RBM6: variants seen among roughly 807,000 people sequenced by gnomAD.
The protein encoded by RBM6 is RNA binding motif protein 6.
RBM6 carries 23 observed loss-of-function variants against 140.4 expected under a neutral mutation model. The ratio of observed to expected loss-of-function variants is 0.16; its 90% CI spans 0.12 to 0.23. RBM6 has a LOEUF of 0.23. Ranked by LOEUF, RBM6 falls within the 10% of genes least tolerant of loss-of-function variation. The pLI, the probability that RBM6 is intolerant of heterozygous loss-of-function variation, is 1.00. For synonymous variants in RBM6, 439 were observed against 475.6 expected (o/e 0.92, Z 1.00); for missense variants, 1,139 against 1,386.7 (o/e 0.82, Z 2.84).
intron 6 of RBM6, among the ~76,000 whole-genome samples, chr3:50,011,233 G>A (rs182517663): frequency 1.3e-5 from 2 of 151,448 alleles, no homozygotes; most frequent in East Asian, 3.9e-4. Context: ...AAAAAAAAAA[G>A]GCATGAAGAA....
At chr3:50,029,540 C>G (rs913400801) in intron 6 of RBM6, among the ~76,000 whole-genome samples, 7 of 152,120 alleles carry the variant, frequency 4.6e-5, no homozygotes, top group Non-Finnish European at 8.8e-5. Context: ...CGAGACCAGC[C>G]TAGCCAATAT....
At chr3:49,961,181 G>A (rs368668582) in intron 1 of RBM6, among the ~76,000 whole-genome samples, 4 of 152,000 alleles carry the variant, frequency 2.6e-5, no homozygotes, top group Admixed American at 1.3e-4. Context: ...GGTTTCAAGC[G>A]TTTCTCCTGC....
chr3:50,046,265 A>G (rs1181033442), intron 6 of RBM6, among the ~76,000 whole-genome samples: 1 of 133,368 alleles, frequency 7.5e-6, no homozygotes, highest in Admixed American at 7.9e-5. Context: ...TGAGTGACAG[A>G]GCAAGACTCT....
rs775522671 is a variant in RBM6, at chr3:49,968,081, A to G, written c.656A>G (p.Asp219Gly). ...TCCCGTTCTGATTTTAGGAATAGAGATGTATCTGATTTGGACTTTAGAGAC... is the reference window on the plus strand; with the variant it reads ...TCCCGTTCTGATTTTAGGAATAGAGGTGTATCTGATTTGGACTTTAGAGAC... ...EQSRSDFRNR[D>G]VSDLDFRDKD... Residue 219 changes from aspartate (D) to glycine (G), a missense_variant, in exon 3 of 21, where the codon GAT becomes GGT. Around this residue, in one of 9 missense-constraint regions of RBM6, gnomAD observed 566 missense variants for 612.7 expected, o/e 0.92. Coordinates refer to ENST00000266022, the MANE Select transcript of RBM6 (RefSeq NM_005777.3). 6.2e-7 allele frequency: 1 copy of G among 1,614,000 alleles called. No homozygotes were observed. Among genetic ancestry groups the G allele is most frequent in the South Asian group, 1.1e-5 (1 of 91,086 alleles).
At position 50,077,016 on chromosome 3, in the gene RBM6, C is replaced by T; in HGVS notation, c.3255C>T (p.Gly1085=). ...PGLASSEEAE[G]RMRGPSVGAS... ...TTGTCTTTGTTTTACAGGCTGAAGG[C>T]CGGATGAGGGGCCCCAGTGTTGGAG... Residue 1085 remains glycine, a synonymous_variant, in exon 21 of 21, where the codon GGC becomes GGT. Coordinates refer to ENST00000266022, the MANE Select transcript of RBM6 (RefSeq NM_005777.3). The T allele has an allele frequency of 6.2e-7, 1 of 1,610,380 alleles. No individual in the cohort carries two copies. The highest frequency in any genetic ancestry group is 8.5e-7 in the Non-Finnish European group (1 of 1,179,028).
intron 6 of RBM6, among the ~76,000 whole-genome samples, chr3:50,024,762 G>A (rs1418137563): frequency 6.6e-6 from 1 of 152,110 alleles, no homozygotes; most frequent in Non-Finnish European, 1.5e-5. Context: ...GACCATCCTG[G>A]CTAACACGGT....
chr3:49,967,144 G>A lies in RBM6; in HGVS notation c.45-326G>A. The A allele has an allele frequency of 1.1e-6, 1 of 916,184 alleles. No homozygotes were observed. The highest frequency in any genetic ancestry group is 1.3e-6 in the Non-Finnish European group (1 of 745,202). 56.8% of individuals were successfully genotyped at this position (916,184 alleles called of 1,614,324 possible). A position where few individuals can be genotyped will look rare whatever the true frequency, so the allele number is the denominator to read the frequency against. On this transcript the variant is annotated intron_variant, in intron 2 of 20. Coordinates refer to ENST00000266022, the MANE Select transcript of RBM6 (RefSeq NM_005777.3). The surrounding 1 kb of genome is among the most constrained non-coding windows in gnomAD (Gnocchi z 4.0). ...CTGGCTGTAGGAAATGGAAATTTTT[G>A]TAGTATGTCACCATTGTTAGCTTAT...
chr3:50,057,646 G>T, intron 8 of RBM6, 82 bp from the exon 9 acceptor site: 1 of 1,245,282 alleles, frequency 8.0e-7, no homozygotes, highest in Non-Finnish European at 1.1e-6. Context: ...CAGGTAAGGA[G>T]AAATTACAGT....
At chr3:49,978,089 C>T (rs2085139820) in intron 5 of RBM6, among the ~76,000 whole-genome samples, 1 of 152,156 alleles carries the variant, frequency 6.6e-6, no homozygotes, top group African/African-American at 2.4e-5. Flanking sequence ...TAACCTCAAA[C>T]CCCTCGGCTC....
In RBM6 at chr3:49,968,384, A is replaced by C; in HGVS notation, c.959A>C (p.His320Pro). The change falls in exon 3 of 21, where the codon CAT (histidine) becomes CCT (proline). Residue 320 changes from histidine (H) to proline (P), a missense_variant. By Grantham distance (77) the His-to-Pro change is moderately conservative. This residue lies in a region of RBM6 where 566 missense variants were observed against 612.7 expected (regional missense o/e 0.92). Coordinates refer to ENST00000266022, the MANE Select transcript of RBM6 (RefSeq NM_005777.3). ...AGGAGAGAAGAATCCACACATGACC[A>C]TACGATAGAAAGGCCTGCTTTTGGC... ...VNRREESTHD[H>P]TIERPAFGIQ... 1.2e-6 allele frequency: 2 copies of C among 1,614,220 alleles called. No individual in the cohort carries two copies. Among genetic ancestry groups the C allele is most frequent in the Non-Finnish European group, 1.7e-6 (2 of 1,180,030 alleles).
chr3:50,054,382 G>A lies in RBM6; in HGVS notation c.1680G>A (p.Lys560=). 6.2e-7 allele frequency: 1 copy of A among 1,612,550 alleles called. No individual in the cohort carries two copies. The stretch of plus-strand genomic sequence containing the variant: ...ACCGATCTTCCTGTTCATTCTGCAA[G>A]AACCCAAGAGAAGGTGAGTGGCGAA... ...GGHRSSCSFC[K]NPREVTEAKQ... The change falls in exon 8 of 21, where the codon AAG becomes AAA. Residue 560 remains lysine (K), a synonymous_variant. Coordinates refer to ENST00000266022, the MANE Select transcript of RBM6 (RefSeq NM_005777.3).
chr3:50,001,163 C>T (rs2086310838), intron 6 of RBM6, among the ~76,000 whole-genome samples: 1 of 152,080 alleles, frequency 6.6e-6, no homozygotes, highest in African/African-American at 2.4e-5. Flanking sequence ...ATTAACACTG[C>T]AACAATAAAA....
intron 5 of RBM6, among the ~76,000 whole-genome samples, chr3:49,987,291 C>G (rs1417478257): frequency 6.6e-6 from 1 of 151,286 alleles, no homozygotes; most frequent in African/African-American, 2.4e-5. Context: ...TTCCACCTTA[C>G]AGTGTATTTA....
At chr3:49,955,361 A>AG (rs1309844081) in intron 1 of RBM6, among the ~76,000 whole-genome samples, 2 of 148,992 alleles carry the variant, frequency 1.3e-5, no homozygotes, top group Non-Finnish European at 3.0e-5. Flanking sequence ...TTGTAGAGAT[A>AG]GGGTCTCTAT....
At chr3:50,059,821 G>A (rs1339077009) in intron 11 of RBM6, 75 bp downstream of exon 11, 23 of 1,169,728 alleles carry the variant, frequency 2.0e-5, no homozygotes, top group Middle Eastern at 2.1e-4. Context: ...TTCCTGGCTG[G>A]AAAAACAGTA....
At chr3:50,068,509 A>G (rs1453347862) in intron 17 of RBM6, among the ~76,000 whole-genome samples, 181 bp from the exon 18 acceptor site, 3 of 152,212 alleles carry the variant, frequency 2.0e-5, no homozygotes, top group Non-Finnish European at 4.4e-5. Context: ...GCCATACCAC[A>G]TAACTAATCT....
At chr3:50,000,139 G>C (rs1291650223) in intron 6 of RBM6, among the ~76,000 whole-genome samples, 2 of 152,088 alleles carry the variant, frequency 1.3e-5, no homozygotes, top group African/African-American at 4.8e-5. Flanking sequence ...GAACTATCTG[G>C]AGTTACTCAG....
chr3:50,055,805 T>G (rs2089673921), intron 8 of RBM6, among the ~76,000 whole-genome samples: 2 of 152,302 alleles, frequency 1.3e-5, no homozygotes, highest in East Asian at 1.9e-4. Context: ...TGGGGAACAT[T>G]TTATTATTTT....
At chr3:50,024,396 G>A (rs748307647) in intron 6 of RBM6, among the ~76,000 whole-genome samples, 7 of 151,422 alleles carry the variant, frequency 4.6e-5, no homozygotes, top group Non-Finnish European at 1.0e-4. Flanking sequence ...GCTTCATATG[G>A]AGAAGCCCCT....
Sources: gnomAD v4.1 joint callset for allele counts (sites outside exome capture counted in the v4.1 genomes callset) on GRCh38, gnomAD v4.1.1 for gene constraint, gnomAD v4.1.1 regional missense constraint, Gnocchi (gnomAD v3.1) non-coding constraint, MANE v1.5 for transcripts, NCBI Gene and HGNC (gene_info 2026-07-23, HGNC 2026-07-21) for gene names.